The following ASAP1 variants were observed in gnomAD, a reference collection of about 807,000 sequenced individuals.
ASAP1 encodes ArfGAP with SH3 domain, ankyrin repeat and PH domain 1, also known as arf-GAP with SH3 domain, ANK repeat and PH domain-containing protein 1.
In ASAP1, 43 loss-of-function variants were observed where a neutral mutation model predicts 145.2. The ratio of observed to expected loss-of-function variants is 0.30; its 90% CI spans 0.23 to 0.38. The LOEUF is 0.38. ASAP1 is among the 10% of genes least tolerant of loss of function. The pLI, the probability that ASAP1 is intolerant of heterozygous loss-of-function variation, is 1.00. For missense variants in ASAP1, 1,018 were observed against 1,355.3 expected (o/e 0.75, Z 3.91); for synonymous variants, 546 against 515.5 (o/e 1.06, Z -0.80).
At chr8:130,214,823 T>A in intron 4 of ASAP1, 122 bp from the exon 5 acceptor site, 1 of 799,172 alleles carries the variant, frequency 1.3e-6, no homozygotes, top group Non-Finnish European at 1.9e-6. Flanking sequence ...AATTATTTAT[T>A]GCACATGTCC....
At chr8:130,118,076 C>T in intron 20 of ASAP1, 85 bp downstream of exon 20, 2 of 1,163,136 alleles carry the variant, frequency 1.7e-6, no homozygotes, top group East Asian at 2.5e-5. Context: ...CTTGCCAATT[C>T]CCGATCTAGG....
Position 130,102,347 on chromosome 8 carries a change from T to C in ASAP1, c.2401+9747A>G, listed in dbSNP as rs73405584. 3.0e-3 allele frequency among the ~76,000 whole-genome samples: 457 copies of C among 152,362 alleles called. 2 individuals are homozygous for C. Among genetic ancestry groups the C allele is most frequent in the African/African-American group, 0.01 (426 of 41,580 alleles). Reference sequence around the variant, plus strand: ...ATCAAATGCTTTTTCTGCATCCATTTAGGTCATCATATGGCTTTTGTCCTT... The same window carrying C: ...ATCAAATGCTTTTTCTGCATCCATTCAGGTCATCATATGGCTTTTGTCCTT... On this transcript the variant is annotated intron_variant, in intron 24 of 29. Coordinates refer to ENST00000518721, the MANE Select transcript of ASAP1 (RefSeq NM_018482.4).
chr8:130,057,830 C>A, intron 29 of ASAP1, 124 bp downstream of exon 29: 1 of 1,236,420 alleles, frequency 8.1e-7, no homozygotes, highest in Non-Finnish European at 1.1e-6. Flanking sequence ...GTGAGTGATG[C>A]AGCTGACAGG....
At chr8:130,081,277 G>A (rs1355302033) in intron 25 of ASAP1, among the ~76,000 whole-genome samples, 2 of 152,164 alleles carry the variant, frequency 1.3e-5, no homozygotes, top group East Asian at 1.9e-4. Context: ...CCAGGAGAGG[G>A]TCACAAGACA....
chr8:130,230,651 T>A (rs1408877264), intron 4 of ASAP1, among the ~76,000 whole-genome samples: 1 of 152,154 alleles, frequency 6.6e-6, no homozygotes, highest in East Asian at 1.9e-4. Flanking sequence ...TTTTGCTCAA[T>A]CCCAGTATTT....
At chr8:130,269,542 C>T (rs542152567) in intron 3 of ASAP1, among the ~76,000 whole-genome samples, 37 of 152,284 alleles carry the variant, frequency 2.4e-4, no homozygotes, top group African/African-American at 8.7e-4. Context: ...GTAATACATG[C>T]CACCTACCAA....
chr8:130,117,119 AATT>A (rs2097557553), intron 20 of ASAP1, 124 bp from the exon 21 acceptor site: 4 of 615,360 alleles, frequency 6.5e-6, no homozygotes, highest in Non-Finnish European at 5.6e-6. Flanking sequence ...TAATAGAGAA[AATT>A]ATGATGTTTC....
At chr8:130,288,398 A>AT (rs1236122103) in intron 3 of ASAP1, among the ~76,000 whole-genome samples, 3 of 152,128 alleles carry the variant, frequency 2.0e-5, no homozygotes, top group Non-Finnish European at 4.4e-5. Flanking sequence ...AATAAAGAGG[A>AT]TATCTTTGAG....
chr8:130,184,136 A>C (rs1314813385), intron 7 of ASAP1, among the ~76,000 whole-genome samples: 2 of 152,252 alleles, frequency 1.3e-5, no homozygotes, highest in Admixed American at 1.3e-4. Context: ...CTGTACTCTA[A>C]GAACAGAAAT....
Position 130,134,306 on chromosome 8 carries a change from C to G in ASAP1, c.1207G>C (p.Asp403His). Residue 403 changes from aspartate (D) to histidine (H), a missense_variant, in exon 15 of 30, where the codon GAT becomes CAT. Transcript: ENST00000518721. ...TTCAAAACTACTTACGCTACATAATCCTGCTCATCTTCTGCCTGAAAGTGA... is the reference window on the plus strand; with the variant it reads ...TTCAAAACTACTTACGCTACATAATGCTGCTCATCTTCTGCCTGAAAGTGA... ...TYHFQAEDEQ[D>H]YVAWISVLTN... The G allele has an allele frequency of 6.3e-7, 1 of 1,586,710 alleles. No homozygotes were observed. Among genetic ancestry groups the G allele is most frequent in the Non-Finnish European group, 8.6e-7 (1 of 1,166,622 alleles).
chr8:130,236,326 T>C (rs1351874581), intron 4 of ASAP1, among the ~76,000 whole-genome samples: 1 of 152,168 alleles, frequency 6.6e-6, no homozygotes, highest in Non-Finnish European at 1.5e-5. Context: ...TCATTTTTTT[T>C]TTTTTAATTT....
chr8:130,119,636 C>T (rs1468615422), intron 18 of ASAP1, among the ~76,000 whole-genome samples: 1 of 152,140 alleles, frequency 6.6e-6, no homozygotes, highest in African/African-American at 2.4e-5. Flanking sequence ...CCACGTGATG[C>T]TGTCTGACAG....
chr8:130,374,350 T>C (rs77164811), intron 2 of ASAP1, among the ~76,000 whole-genome samples: 4,020 of 152,286 alleles, frequency 0.026, 63 homozygotes, highest in Middle Eastern at 0.048. Flanking sequence ...ACTAAAAATA[T>C]TATTTCTCTG....
rs1825752254 is a variant in ASAP1 at position 130,347,262 on chromosome 8, A to G, written c.186+10755T>C. Among the ~76,000 whole-genome samples, 3 of 152,216 alleles carry G rather than the reference A, an allele frequency of 2.0e-5. No homozygotes were observed. In the South Asian group the frequency reaches 6.2e-4, roughly 32 times the overall value. On this transcript the variant is annotated intron_variant, in intron 3 of 29. Transcript: ENST00000518721. ...TGGAATGTTGATTTTTCCTGACCAC[A>G]TCAGCAAAGCTAAAACTAGGCAGCA...
Position 130,092,156 on chromosome 8 carries a change from T to A in ASAP1, c.2402-13A>T, listed in dbSNP as rs559889858. 12 of 1,563,838 alleles carry A rather than the reference T, an allele frequency of 7.7e-6. No individual in the cohort carries two copies. The highest frequency in any genetic ancestry group is 1.7e-4 in the Middle Eastern group (1 of 5,886). On this transcript the variant is annotated splice_polypyrimidine_tract_variant and intron_variant, in intron 24 of 29. Coordinates refer to ENST00000518721, the MANE Select transcript of ASAP1 (RefSeq NM_018482.4). ...GGGCCAGTTGGACCTAGAAAGGAAA[T>A]TGAATGGGGGCAGGAAGATTAATCC...
At chr8:130,202,566 T>G (rs1815934563) in intron 5 of ASAP1, among the ~76,000 whole-genome samples, 1 of 152,218 alleles carries the variant, frequency 6.6e-6, no homozygotes, top group African/African-American at 2.4e-5. Context: ...AACCATTGCT[T>G]AATATTATTT....
chr8:130,106,197 T>A (rs2097536528), intron 24 of ASAP1, among the ~76,000 whole-genome samples: 1 of 151,596 alleles, frequency 6.6e-6, no homozygotes, highest in South Asian at 2.1e-4. Context: ...CAAACCCAAA[T>A]GAAAAAAACA....
intron 9 of ASAP1, among the ~76,000 whole-genome samples, chr8:130,178,046 T>C (rs1280607583): frequency 6.6e-6 from 1 of 152,230 alleles, no homozygotes; most frequent in African/African-American, 2.4e-5. Flanking sequence ...AACCCAAGCT[T>C]TGTGCTTTTG....
chr8:130,085,409 T>C (rs2097490400), intron 25 of ASAP1, among the ~76,000 whole-genome samples: 1 of 152,150 alleles, frequency 6.6e-6, no homozygotes, highest in Non-Finnish European at 1.5e-5. Flanking sequence ...TGTGTTAAAA[T>C]ATGTGTTAGT....
Sources: allele counts gnomAD v4.1 joint callset (sites outside exome capture counted in the v4.1 genomes callset), GRCh38; gene constraint gnomAD v4.1.1; transcripts MANE v1.5; gene names NCBI Gene and HGNC (gene_info 2026-07-23, HGNC 2026-07-21).